The following LAMC1 variants were observed in gnomAD, a reference collection of about 807,000 sequenced individuals.
LAMC1 encodes the protein laminin subunit gamma 1.
LAMC1 carries 38 observed loss-of-function variants against 173.6 expected under a neutral mutation model. That is an observed-to-expected ratio of 0.22 (90% CI 0.17 to 0.29). LAMC1 has a LOEUF of 0.29. LAMC1 is among the 10% of genes least tolerant of loss of function. LAMC1 has a pLI of 1.00. For missense variants in LAMC1, 1,824 were observed against 2,051.8 expected, an observed-to-expected ratio of 0.89 and a Z score of 2.14; for synonymous variants, 746 against 749.1, an observed-to-expected ratio of 1.00 and a Z score of 0.07.
In LAMC1 at chr1:183,130,469, G is replaced by A. The variant is rs767427957; in HGVS notation, c.3406G>A (p.Ala1136Thr). Residue 1136 changes from alanine (A) to threonine (T), a missense_variant, in exon 19 of 28, where the codon GCC becomes ACC. Ala to Thr is a moderately conservative substitution (Grantham distance 58). Coordinates refer to ENST00000258341, the MANE Select transcript of LAMC1 (RefSeq NM_002293.4). ...ETGNLAEQARAHVENTERLIE... is the reference protein window; with the variant it reads ...ETGNLAEQARTHVENTERLIE... ...TGGAAACTTGGCTGAACAAGCGCGT[G>A]CCCATGTAGAGAACACAGAGCGGTT... 28 of 1,614,212 alleles carry A rather than the reference G, an allele frequency of 1.7e-5. No individual in the cohort carries two copies. The South Asian group carries it at 3.0e-4, about 17-fold the overall frequency.
At chr1:183,080,977 C>T (rs952932468) in intron 1 of LAMC1, among the ~76,000 whole-genome samples, 18 of 152,118 alleles carry the variant, frequency 1.2e-4, no homozygotes, top group African/African-American at 4.3e-4. Context: ...CAACCCCCAT[C>T]TTCTGGTTTC....
intron 1 of LAMC1, among the ~76,000 whole-genome samples, chr1:183,081,123 G>A (rs1301847484): frequency 6.6e-6 from 1 of 151,818 alleles, no homozygotes. Flanking sequence ...CCCTGACCAC[G>A]TGATCCGCCT....
chr1:183,071,890 G>A (rs182459624), intron 1 of LAMC1, among the ~76,000 whole-genome samples: 76 of 152,304 alleles, frequency 5.0e-4, no homozygotes, highest in South Asian at 1.0e-3. Flanking sequence ...TCCAGTTGAC[G>A]AAAATGTTGA....
chr1:183,100,390 A>T (rs1012146015), intron 1 of LAMC1, among the ~76,000 whole-genome samples: 3 of 152,160 alleles, frequency 2.0e-5, no homozygotes, highest in African/African-American at 4.8e-5. Flanking sequence ...GTTGCTCCTT[A>T]AACATGACCG....
At chr1:183,120,167 C>CAAAAAAAAAA (rs55642592) in intron 11 of LAMC1, among the ~76,000 whole-genome samples, 2 of 64,740 alleles carry the variant, frequency 3.1e-5, no homozygotes, top group Non-Finnish European at 2.8e-5. Flanking sequence ...GGATCTATCT[C>CAAAAAAAAAA]AAAAAAAAAA....
chr1:183,076,827 C>T (rs538457529), intron 1 of LAMC1, among the ~76,000 whole-genome samples: 1 of 152,100 alleles, frequency 6.6e-6, no homozygotes, highest in Non-Finnish European at 1.5e-5. Context: ...CACTGGCACT[C>T]AAAACATTTG....
At chr1:183,046,349 G>T (rs578143778) in intron 1 of LAMC1, among the ~76,000 whole-genome samples, 1 of 152,120 alleles carries the variant, frequency 6.6e-6, no homozygotes, top group South Asian at 2.1e-4. Context: ...TTAGAATCAG[G>T]TTGTCAAGTT....
At chr1:183,130,571 A>T (rs757662614) in intron 19 of LAMC1, 22 bp downstream of exon 19, 1 of 1,603,348 alleles carries the variant, frequency 6.2e-7, no homozygotes, top group South Asian at 1.1e-5. Flanking sequence ...CAAACGTCTG[A>T]GGTGGGGATG....
intron 1 of LAMC1, among the ~76,000 whole-genome samples, chr1:183,048,417 G>T (rs1654325307): frequency 6.6e-6 from 1 of 152,138 alleles, no homozygotes; most frequent in Non-Finnish European, 1.5e-5. Flanking sequence ...GATTTTTATT[G>T]CAGTGTCCAC....
chr1:183,048,238 A>G (rs1654321286), intron 1 of LAMC1, among the ~76,000 whole-genome samples: 1 of 152,230 alleles, frequency 6.6e-6, no homozygotes, highest in Non-Finnish European at 1.5e-5. Flanking sequence ...CAATGAAATC[A>G]CTAAGAGTAA....
At chr1:183,110,703 G>A (rs1386060704) in intron 4 of LAMC1, 49 bp downstream of exon 4, 7 of 1,573,218 alleles carry the variant, frequency 4.4e-6, no homozygotes, top group Middle Eastern at 2.0e-4. Context: ...GGACTTCCAA[G>A]GGTGGAAGAA....
intron 24 of LAMC1, 21 bp downstream of exon 24, chr1:183,135,177 A>G (rs1656901917): frequency 2.7e-6 from 4 of 1,461,844 alleles, no homozygotes; most frequent in Admixed American, 3.4e-5. Flanking sequence ...CTGAGATAAC[A>G]GGGGCAAATG....
intron 1 of LAMC1, among the ~76,000 whole-genome samples, chr1:183,071,077 GTTTT>G (rs1289934635): frequency 6.7e-6 from 1 of 148,386 alleles, no homozygotes; most frequent in Non-Finnish European, 1.5e-5. Flanking sequence ...AGGAAGCTGG[GTTTT>G]TTTTGTTTTT....
chr1:183,028,200 G>A (rs1188738744), intron 1 of LAMC1, among the ~76,000 whole-genome samples: 1 of 151,376 alleles, frequency 6.6e-6, no homozygotes, highest in African/African-American at 2.4e-5. Flanking sequence ...TTTGTGGGAG[G>A]AATCAAGTTT....
In LAMC1 at chr1:183,110,473, C is replaced by G; in HGVS notation, c.855-15C>G. 6.3e-7 allele frequency: 1 copy of G among 1,585,328 alleles called. No individual in the cohort carries two copies. Among genetic ancestry groups the G allele is most frequent in the Non-Finnish European group, 8.6e-7 (1 of 1,161,386 alleles). On this transcript the variant is annotated splice_polypyrimidine_tract_variant and intron_variant, in intron 3 of 27. Transcript: ENST00000258341. ...GCAGCTGTTCCATTTTTTGGAGTATCTCTTCTCTCCCCAGATGTAAATGTA... is the reference window on the plus strand; with the variant it reads ...GCAGCTGTTCCATTTTTTGGAGTATGTCTTCTCTCCCCAGATGTAAATGTA...
At chr1:183,058,329 T>C (rs1424989871) in intron 1 of LAMC1, among the ~76,000 whole-genome samples, 1 of 152,208 alleles carries the variant, frequency 6.6e-6, no homozygotes, top group African/African-American at 2.4e-5. Flanking sequence ...TTGTACATCT[T>C]TATATGTGTC....
chr1:183,092,671 A>G (rs1045000340), intron 1 of LAMC1, among the ~76,000 whole-genome samples: 7 of 152,190 alleles, frequency 4.6e-5, no homozygotes, highest in Non-Finnish European at 1.0e-4. Flanking sequence ...GGGTACAGAT[A>G]ACTCTTTTTA....
intron 22 of LAMC1, 97 bp downstream of exon 22, chr1:183,133,647 C>G: frequency 8.3e-7 from 1 of 1,199,488 alleles, no homozygotes; most frequent in South Asian, 1.9e-5. Flanking sequence ...CTCCCACTGA[C>G]TCGCTGGTAA....
intron 1 of LAMC1, among the ~76,000 whole-genome samples, chr1:183,086,653 AACCTT>A (rs1042343212): frequency 1.5e-4 from 23 of 152,214 alleles, no homozygotes; most frequent in African/African-American, 5.5e-4. Flanking sequence ...TTTAAAATAG[AACCTT>A]ACCTTCTATT....
Sources: allele counts gnomAD v4.1 joint callset (sites outside exome capture counted in the v4.1 genomes callset), GRCh38; gene constraint gnomAD v4.1.1; transcripts MANE v1.5; gene names NCBI Gene and HGNC (gene_info 2026-07-23, HGNC 2026-07-21).